The following ROBO1 variants were observed in gnomAD, a reference collection of about 807,000 sequenced individuals.
ROBO1 encodes roundabout guidance receptor 1, also known as roundabout homolog 1.
ROBO1 carries 149 observed loss-of-function variants against 195.9 expected under a neutral mutation model. The ratio of observed to expected loss-of-function variants is 0.76; its 90% confidence interval spans 0.67 to 0.87. ROBO1 has a LOEUF of 0.87. Ranked by LOEUF, ROBO1 falls within the 40% of genes least tolerant of loss-of-function variation. The pLI is 0.00. For synonymous variants in ROBO1, 816 were observed against 733.2 expected (o/e 1.11, Z -1.82); for missense variants, 1,933 against 2,068.3 (o/e 0.93, Z 1.27).
At chr3:79,584,429 A>C (rs2107799088) in intron 2 of ROBO1, among the ~76,000 whole-genome samples, 1 of 151,498 alleles carries the variant, frequency 6.6e-6, no homozygotes, top group East Asian at 2.0e-4. Flanking sequence ...CAAACAAAAT[A>C]ACAAACCAAG....
intron 4 of ROBO1, among the ~76,000 whole-genome samples, chr3:78,891,610 A>T (rs162426): frequency 0.31 from 46,651 of 152,070 alleles, 7,312 homozygotes; most frequent in Non-Finnish European, 0.34. Flanking sequence ...AAAGAAATAA[A>T]AACATATGTC....
At chr3:78,977,507 C>T (rs1560072485) in intron 3 of ROBO1, among the ~76,000 whole-genome samples, 1 of 151,652 alleles carries the variant, frequency 6.6e-6, no homozygotes, top group Non-Finnish European at 1.5e-5. Flanking sequence ...AGCAATGTAA[C>T]CTCCTTAAGA....
intron 2 of ROBO1, among the ~76,000 whole-genome samples, chr3:79,350,410 T>A (rs2035296205): frequency 6.6e-6 from 1 of 152,198 alleles, no homozygotes. Context: ...CTTAACATAG[T>A]GTTATCATTT....
intron 4 of ROBO1, among the ~76,000 whole-genome samples, chr3:78,903,278 A>G (rs1309542591): frequency 6.6e-6 from 1 of 152,110 alleles, no homozygotes; most frequent in Admixed American, 6.6e-5. Flanking sequence ...TGGTCTTTCA[A>G]TTTGGGAAAC....
intron 2 of ROBO1, among the ~76,000 whole-genome samples, chr3:79,173,600 C>T (rs2081207188): frequency 6.6e-6 from 1 of 152,106 alleles, no homozygotes; most frequent in Non-Finnish European, 1.5e-5. Flanking sequence ...CATGCCTGAG[C>T]CTCCCCCACT....
In ROBO1 at chr3:78,776,185, G is replaced by A. The variant is rs1429448510; in HGVS notation, c.500-29285C>T. Among the ~76,000 whole-genome samples the A allele has an allele frequency of 3.9e-5, 6 of 152,214 alleles. No individual in the cohort carries two copies. The South Asian group carries it at 1.2e-3, about 32-fold the overall frequency. ...AGACACTCAATAAGTACTGTTCAAA[G>A]AATGACTAACTGAATGAACCTCAAA... is the stretch of plus-strand genomic sequence containing the variant. On this transcript the variant is annotated intron_variant, in intron 4 of 30. Transcript: ENST00000464233.
chr3:79,054,996 G>GGTAGGGT, intron 3 of ROBO1, among the ~76,000 whole-genome samples: 1 of 152,196 alleles, frequency 6.6e-6, no homozygotes, highest in South Asian at 2.1e-4. Flanking sequence ...CACAGTAGGG[G>GGTAGGGT]GTAGGGTGGT....
intron 2 of ROBO1, among the ~76,000 whole-genome samples, chr3:79,559,457 A>G (rs760131779): frequency 1.5e-4 from 23 of 152,216 alleles, no homozygotes; most frequent in Non-Finnish European, 3.1e-4. Context: ...GCTCTTGGGC[A>G]AAGATTCAGT....
At chr3:79,445,481 G>GTTTTTTTTTTTTTTTTTTTTT (rs34514488) in intron 2 of ROBO1, among the ~76,000 whole-genome samples, 2 of 85,718 alleles carry the variant, frequency 2.3e-5, no homozygotes, top group African/African-American at 4.9e-5. Context: ...TACAGAAATT[G>GTTTTTTTTTTTTTTTTTTTTT]TTTTTTTTTT....
chr3:79,009,580 C>A (rs2108200904), intron 3 of ROBO1, among the ~76,000 whole-genome samples: 1 of 152,264 alleles, frequency 6.6e-6, no homozygotes, highest in East Asian at 1.9e-4. Context: ...TTCCCAAAAC[C>A]AACTGCATTA....
intron 3 of ROBO1, among the ~76,000 whole-genome samples, chr3:79,119,288 A>G (rs891025893): frequency 3.9e-5 from 6 of 152,192 alleles, no homozygotes; most frequent in African/African-American, 7.2e-5. Flanking sequence ...AATCCACTTG[A>G]AGCTCCCATG....
intron 3 of ROBO1, among the ~76,000 whole-genome samples, chr3:79,069,454 C>G (rs1162776073): frequency 6.6e-6 from 1 of 151,912 alleles, no homozygotes; most frequent in Admixed American, 6.6e-5. Context: ...GCCCCACCTT[C>G]ATGGTCTTCA....
intron 4 of ROBO1, among the ~76,000 whole-genome samples, chr3:78,777,739 G>A (rs2083547101): frequency 6.6e-6 from 1 of 152,082 alleles, no homozygotes; most frequent in Non-Finnish European, 1.5e-5. Flanking sequence ...TTGCTTATTG[G>A]GTTAAGGAAA....
chr3:78,605,217 T>C (rs970188863), intron 29 of ROBO1, among the ~76,000 whole-genome samples: 1 of 152,212 alleles, frequency 6.6e-6, no homozygotes, highest in Non-Finnish European at 1.5e-5. Flanking sequence ...CCCCATTCTT[T>C]ATAGGACACT....
intron 2 of ROBO1, among the ~76,000 whole-genome samples, chr3:79,484,149 G>C (rs540663237): frequency 6.6e-6 from 1 of 152,120 alleles, no homozygotes; most frequent in Non-Finnish European, 1.5e-5. Context: ...GATCCCCCAC[G>C]GGGATCAGTC....
At chr3:79,592,358 C>A (rs1944029812) in intron 1 of ROBO1, among the ~76,000 whole-genome samples, 1 of 151,840 alleles carries the variant, frequency 6.6e-6, no homozygotes, top group East Asian at 1.9e-4. Context: ...GATTAATATT[C>A]CTCAAATAAA....
chr3:78,661,145 A>T lies in ROBO1; in HGVS notation c.2205T>A (p.Ser735Arg). The change falls in exon 16 of 31, where the codon AGT (serine) becomes AGA (arginine). Residue 735 changes from serine (S) to arginine (R), a missense_variant. Ser to Arg is a moderately radical substitution (Grantham distance 110). Around this residue, in one of 3 missense-constraint regions of ROBO1, gnomAD observed 1,737 missense variants for 1,882.5 expected, o/e 0.92. Transcript: ENST00000464233. ...CCTTTCTGAGATCAGGGATTACCAC[A>T]CTGTTTTTGGCTGGCGTCCTCACTT... is the stretch of plus-strand genomic sequence containing the variant. ...VFEVRTPAKN[S>R]VVIPDLRKGV... The T allele has an allele frequency of 6.2e-7, 1 of 1,613,600 alleles. No homozygotes were observed. Among genetic ancestry groups the T allele is most frequent in the Non-Finnish European group, 8.5e-7 (1 of 1,179,760 alleles).
At chr3:78,683,552 C>T (rs1040139568) in intron 10 of ROBO1, among the ~76,000 whole-genome samples, 2 of 151,770 alleles carry the variant, frequency 1.3e-5, no homozygotes, top group Non-Finnish European at 2.9e-5. Flanking sequence ...ATGGGCCGGG[C>T]GTGGTAGCTC....
chr3:78,886,615 CTGCACTTGTAAATTA>C (rs2036586806), intron 4 of ROBO1, among the ~76,000 whole-genome samples: 1 of 151,156 alleles, frequency 6.6e-6, no homozygotes, highest in East Asian at 1.9e-4. Flanking sequence ...AAATTGTACT[CTGCACTTGTAAATTA>C]TGTTACCAGA....
Sources: allele counts gnomAD v4.1 joint callset (sites outside exome capture counted in the v4.1 genomes callset), GRCh38; gene constraint gnomAD v4.1.1; regional missense constraint gnomAD v4.1.1; transcripts MANE v1.5; gene names NCBI Gene and HGNC (gene_info 2026-07-23, HGNC 2026-07-21).